Variants in NFE2L2 observed in about 807,000 individuals in gnomAD.
NFE2L2 encodes nuclear factor erythroid 2-related factor 2.
A neutral mutation model predicts 49.6 loss-of-function variants in NFE2L2; 20 were observed. The ratio of observed to expected loss-of-function variants is 0.40; its 90% CI spans 0.28 to 0.59. The LOEUF (loss-of-function observed/expected upper bound fraction) is 0.59, where lower values mean the gene tolerates loss of function less well. NFE2L2 is among the 20% of genes least tolerant of loss of function. NFE2L2 has a pLI of 0.40. For missense variants in NFE2L2, 578 were observed against 714.2 expected (o/e 0.81, Z 2.17); for synonymous variants, 244 against 256.5 (o/e 0.95, Z 0.47).
In NFE2L2 at chr2:177,230,923, T is replaced by A; in HGVS notation, c.1680A>T (p.Leu560Phe). The A allele has an allele frequency of 6.2e-7, 1 of 1,614,032 alleles. No homozygotes were observed. Among genetic ancestry groups the A allele is most frequent in the Non-Finnish European group, 8.5e-7 (1 of 1,179,992 alleles). ...LHLLKKQLST[L>F]YLEVFSMLRD... ...GTAGCATGCTGAAAACTTCGAGATATAAGGTGCTGAGTTGTTTTTTCAGTA... is the reference window on the plus strand; with the variant it reads ...GTAGCATGCTGAAAACTTCGAGATAAAAGGTGCTGAGTTGTTTTTTCAGTA... The change falls in exon 5 of 5, where the codon TTA (leucine) becomes TTT (phenylalanine). Residue 560 changes from leucine (L) to phenylalanine (F), a missense_variant. By Grantham distance (22) the Leu-to-Phe change is conservative (BLOSUM62 0). This residue lies in a region of NFE2L2 where 117 missense variants were observed against 175.8 expected (regional missense o/e 0.67). Coordinates refer to ENST00000397062, the MANE Select transcript of NFE2L2 (RefSeq NM_006164.5).
chr2:177,264,341 C>A, intron 1 of NFE2L2, 191 bp downstream of exon 1: 1 of 538,086 alleles, frequency 1.9e-6, no homozygotes. Context: ...GTCGGATCAC[C>A]CGGCCGCGTC....
intron 1 of NFE2L2, 67 bp from the exon 2 acceptor site, chr2:177,234,338 T>G: frequency 6.7e-7 from 1 of 1,498,362 alleles, no homozygotes; most frequent in Non-Finnish European, 8.9e-7. Context: ...CCACATAAAT[T>G]AATTCACATT....
chr2:177,247,697 AAAAAAG>A (rs1558987263), intron 1 of NFE2L2, among the ~76,000 whole-genome samples: 1 of 151,896 alleles, frequency 6.6e-6, no homozygotes, highest in African/African-American at 2.4e-5. Context: ...AAAAAAAAAA[AAAAAAG>A]AAAAAAGAAT....
At chr2:177,256,882 G>T (rs1033676204) in intron 1 of NFE2L2, among the ~76,000 whole-genome samples, 20 of 152,158 alleles carry the variant, frequency 1.3e-4, no homozygotes, top group Admixed American at 1.3e-3. Context: ...CCATCTGTGG[G>T]GTGGGTGTAT....
chr2:177,240,878 C>A (rs1032904098), intron 1 of NFE2L2, among the ~76,000 whole-genome samples: 4 of 152,136 alleles, frequency 2.6e-5, no homozygotes, highest in African/African-American at 9.7e-5. Flanking sequence ...ATAATACAAT[C>A]CCTGTCCTAA....
At chr2:177,254,985 T>C (rs144747513) in intron 1 of NFE2L2, among the ~76,000 whole-genome samples, 175 of 152,334 alleles carry the variant, frequency 1.1e-3, no homozygotes, top group African/African-American at 3.9e-3. Context: ...GCTGGTAACA[T>C]GAATGAAGAT....
At chr2:177,251,867 G>C (rs1341051708) in intron 1 of NFE2L2, among the ~76,000 whole-genome samples, 1 of 151,924 alleles carries the variant, frequency 6.6e-6, no homozygotes, top group East Asian at 1.9e-4. Context: ...TTAGCCAGGC[G>C]TGGTGGCCCG....
chr2:177,242,907 T>G (rs1689989816), intron 1 of NFE2L2, among the ~76,000 whole-genome samples: 1 of 151,534 alleles, frequency 6.6e-6, no homozygotes, highest in Non-Finnish European at 1.5e-5. Context: ...TTGTTTTTTT[T>G]TTGTTTTTTT....
intron 1 of NFE2L2, among the ~76,000 whole-genome samples, chr2:177,244,758 G>A (rs1184098665): frequency 6.6e-6 from 1 of 152,134 alleles, no homozygotes; most frequent in Non-Finnish European, 1.5e-5. Context: ...TGTAATCCCA[G>A]CACTTTGGGA....
chr2:177,258,957 C>CA (rs1399137684), intron 1 of NFE2L2, among the ~76,000 whole-genome samples: 3 of 152,208 alleles, frequency 2.0e-5, no homozygotes, highest in Admixed American at 2.0e-4. Context: ...ATTCAGAATA[C>CA]AGGCTGTTGA....
At chr2:177,245,806 T>G (rs560070667) in intron 1 of NFE2L2, among the ~76,000 whole-genome samples, 1 of 152,228 alleles carries the variant, frequency 6.6e-6, no homozygotes, top group South Asian at 2.1e-4. Context: ...GATGGGGTTT[T>G]GCCATGTTGG....
Position 177,230,329 on chromosome 2 carries a change from T to C in NFE2L2, c.*456A>G. The C allele has an allele frequency of 4.3e-6, 1 of 231,544 alleles. No homozygotes were observed. The highest frequency in any genetic ancestry group is 6.2e-5 in the East Asian group (1 of 16,064). 14.3% of individuals were successfully genotyped at this position (231,544 alleles called of 1,614,324 possible). ...ATAATTTAACAGTCATAATAATCCT[T>C]TATTAGTACCAGCTCTTAAAATTTT... On this transcript the variant is annotated 3_prime_UTR_variant, in exon 5 of 5. Transcript: ENST00000397062.
chr2:177,237,425 T>G (rs1689787543), intron 1 of NFE2L2, among the ~76,000 whole-genome samples: 1 of 152,264 alleles, frequency 6.6e-6, no homozygotes, highest in Non-Finnish European at 1.5e-5. Context: ...GAATAATTTC[T>G]ATTTTAAAAA....
In NFE2L2 at chr2:177,231,302, G is replaced by C. The variant is rs370645106; in HGVS notation, c.1301C>G (p.Pro434Arg). ...TGTGAATGGGGTTTTCCGATGACCA[G>C]GACTTACAGGCAATTCTTTCTCTGG... ...NTPEKELPVS[P>R]GHRKTPFTKD... The change falls in exon 5 of 5, where the codon CCT becomes CGT. Residue 434 changes from proline (P) to arginine (R), a missense_variant. Transcript: ENST00000397062. 9 of 1,614,144 alleles carry C rather than the reference G, an allele frequency of 5.6e-6. No individual in the cohort carries two copies. The African/African-American group carries it at 1.1e-4, about 19-fold the overall frequency.
intron 1 of NFE2L2, among the ~76,000 whole-genome samples, chr2:177,236,866 ATTAT>A (rs1390681737): frequency 2.7e-5 from 4 of 150,310 alleles, no homozygotes; most frequent in Non-Finnish European, 3.0e-5. Flanking sequence ...TTGAAATTTT[ATTAT>A]TTATTTACTC....
At chr2:177,233,817 G>T in intron 2 of NFE2L2, 188 bp downstream of exon 2, 1 of 685,622 alleles carries the variant, frequency 1.5e-6, no homozygotes, top group African/African-American at 1.8e-5. Flanking sequence ...ACACTGTTAA[G>T]ATCAATAGGT....
At chr2:177,261,635 C>T (rs1690746319) in intron 1 of NFE2L2, among the ~76,000 whole-genome samples, 1 of 152,174 alleles carries the variant, frequency 6.6e-6, no homozygotes, top group African/African-American at 2.4e-5. Flanking sequence ...AACTATTATG[C>T]CTGGTTTTCC....
At position 177,231,945 on chromosome 2, in the gene NFE2L2, G is replaced by A. The variant is rs2105454343; in HGVS notation, c.658C>T (p.Leu220=). 1.9e-6 allele frequency: 3 copies of A among 1,614,048 alleles called. No individual in the cohort carries two copies. The highest frequency in any genetic ancestry group is 2.5e-6 in the Non-Finnish European group (3 of 1,179,954). The part of the protein sequence containing the change: ...TTMVPSPEAK[L]TEVDNYHFYS... ...AAATGATAATTGTCAACTTCTGTCA[G>A]TTTGGCTTCTGGACTTGGAACCATG... is the stretch of plus-strand genomic sequence containing the variant. Residue 220 remains leucine (L), a synonymous_variant, in exon 5 of 5, where the codon CTG becomes TTG. Transcript: ENST00000397062.
intron 1 of NFE2L2, among the ~76,000 whole-genome samples, chr2:177,249,009 G>A (rs1043922632): frequency 6.6e-6 from 1 of 151,850 alleles, no homozygotes; most frequent in African/African-American, 2.4e-5. Flanking sequence ...TTGAGCCCAG[G>A]AGTTTTGATA....
Sources: allele counts gnomAD v4.1 joint callset (sites outside exome capture counted in the v4.1 genomes callset), GRCh38; gene constraint gnomAD v4.1.1; regional missense constraint gnomAD v4.1.1; transcripts MANE v1.5; gene names NCBI Gene and HGNC (gene_info 2026-07-23, HGNC 2026-07-21).